SLC35E3: variants seen among roughly 807,000 people sequenced by gnomAD.
SLC35E3 encodes bladder cancer-overexpressed gene 1 protein.
A neutral mutation model predicts 30.8 loss-of-function variants in SLC35E3; 28 were observed. The observed-to-expected ratio is 0.91, with a 90% CI of 0.67 to 1.25. The LOEUF (loss-of-function observed/expected upper bound fraction) is 1.25. Among genes scored for constraint, SLC35E3 ranks in the 50% most tolerant of loss-of-function variants. The probability of loss-of-function intolerance (pLI) is 0.00; values close to 1 mark genes in which losing one functional copy is unlikely to be tolerated. For missense variants in SLC35E3, 365 were observed against 375.4 expected (o/e 0.97, Z 0.23); for synonymous variants, 146 against 149.2 (o/e 0.98, Z 0.16).
intron 1 of SLC35E3, among the ~76,000 whole-genome samples, chr12:68,747,380 C>T (rs1878630020): frequency 6.6e-6 from 1 of 152,082 alleles, no homozygotes; most frequent in African/African-American, 2.4e-5. Context: ...AGCGATTCTC[C>T]TGCCTCAGCC....
At chr12:68,757,485 A>G (rs1460099848) in intron 3 of SLC35E3, among the ~76,000 whole-genome samples, 1 of 152,172 alleles carries the variant, frequency 6.6e-6, no homozygotes, top group Non-Finnish European at 1.5e-5. Context: ...AGAACTTTGT[A>G]TGTGTATATA....
intron 3 of SLC35E3, among the ~76,000 whole-genome samples, chr12:68,753,737 G>T (rs903685909): frequency 1.3e-5 from 2 of 149,448 alleles, no homozygotes; most frequent in African/African-American, 4.9e-5. Context: ...CCCCTAATCC[G>T]TGCCCCTTGA....
At chr12:68,758,264 C>T (rs1194244014) in intron 3 of SLC35E3, among the ~76,000 whole-genome samples, 1 of 151,464 alleles carries the variant, frequency 6.6e-6, no homozygotes, top group Non-Finnish European at 1.5e-5. Flanking sequence ...ACTAAAAATA[C>T]AAAAAATTAG....
rs992909503 is a variant in SLC35E3, at chr12:68,778,055, G to A, written c.*13165G>A. The A allele has an allele frequency of 7.2e-5, 11 of 152,096 alleles. No homozygotes were observed. The highest frequency in any genetic ancestry group is 1.5e-5 in the Non-Finnish European group (1 of 68,030). 9.4% of individuals were successfully genotyped at this position (152,096 alleles called of 1,614,324 possible). On this transcript the variant is annotated 3_prime_UTR_variant, in exon 5 of 5. Coordinates refer to ENST00000398004, the MANE Select transcript of SLC35E3 (RefSeq NM_018656.5). The stretch of plus-strand genomic sequence containing the variant: ...ATCACCCAAGCCCAGGGAGGTCGAG[G>A]CTGCAATGAGCCACCGTGATGGTGA...
chr12:68,746,700 C>T lies in SLC35E3; in HGVS notation c.323C>T (p.Ala108Val). The change falls in exon 1 of 5, where the codon GCC (alanine) becomes GTC (valine). Residue 108 changes from alanine (A) to valine (V), a missense_variant. Ala to Val is a moderately conservative substitution (Grantham distance 64). Coordinates refer to ENST00000398004, the MANE Select transcript of SLC35E3 (RefSeq NM_018656.5). ...NTIGTYQLAK[A>V]MTTPVIIAIQ... is the part of the protein sequence containing the mutation. Reference sequence around the variant, plus strand: ...ATAGGCACCTATCAGCTGGCCAAGGCCATGACCACGCCGGTGATCATAGCC... The same window carrying T: ...ATAGGCACCTATCAGCTGGCCAAGGTCATGACCACGCCGGTGATCATAGCC... 1 of 1,614,084 alleles carries T rather than the reference C, an allele frequency of 6.2e-7. No individual in the cohort carries two copies. The highest frequency in any genetic ancestry group is 2.2e-5 in the East Asian group (1 of 44,890).
chr12:68,754,957 G>C (rs1318312913), intron 3 of SLC35E3, among the ~76,000 whole-genome samples: 1 of 152,052 alleles, frequency 6.6e-6, no homozygotes, highest in Non-Finnish European at 1.5e-5. Context: ...CAATGGACTG[G>C]GTGGCTTAAA....
chr12:68,754,004 G>A (rs954843385), intron 3 of SLC35E3, among the ~76,000 whole-genome samples: 20 of 151,920 alleles, frequency 1.3e-4, no homozygotes, highest in Admixed American at 8.5e-4. Context: ...ACACCACCAC[G>A]CCCAGCTAAT....
chr12:68,750,570 G>T (rs75066377), intron 2 of SLC35E3, among the ~76,000 whole-genome samples: 4,294 of 152,332 alleles, frequency 0.028, 95 homozygotes, highest in Middle Eastern at 0.095. Flanking sequence ...CATTAGAGGG[G>T]TGGTGGCAGG....
chr12:68,746,994 A>G (rs1462784826), intron 1 of SLC35E3, among the ~76,000 whole-genome samples: 1 of 152,086 alleles, frequency 6.6e-6, no homozygotes, highest in Admixed American at 6.5e-5. Context: ...AGTAGCTGCC[A>G]TTTGATGGAA....
chr12:68,768,763 A>G lies in SLC35E3; in HGVS notation c.*3873A>G, dbSNP rs1412175513. 6.6e-6 allele frequency: 1 copy of G among 152,260 alleles called. No individual in the cohort carries two copies. Among genetic ancestry groups the G allele is most frequent in the Non-Finnish European group, 1.5e-5 (1 of 68,056 alleles). 9.4% of individuals were successfully genotyped at this position (152,260 alleles called of 1,614,324 possible). On this transcript the variant is annotated 3_prime_UTR_variant, in exon 5 of 5. Transcript: ENST00000398004. ...GTAACGCTGACGTGTTCAGCTGTTC[A>G]TATTTGGCCTGTCCAAATAAGCAGA...
intron 2 of SLC35E3, among the ~76,000 whole-genome samples, chr12:68,749,327 C>G (rs1565711271): frequency 1.3e-5 from 2 of 152,158 alleles, no homozygotes; most frequent in Non-Finnish European, 2.9e-5. Context: ...AAACATTCCT[C>G]TTAAAGAAAG....
chr12:68,760,265 C>T (rs557209152), intron 4 of SLC35E3: 1 of 152,340 alleles, frequency 6.6e-6, no homozygotes, highest in African/African-American at 2.4e-5. Flanking sequence ...TCCTGTTTCT[C>T]TTCACATTTC....
Position 68,764,748 on chromosome 12 carries a change from G to A in SLC35E3, c.800G>A (p.Gly267Glu). The A allele has an allele frequency of 6.2e-7, 1 of 1,614,040 alleles. No homozygotes were observed. The highest frequency in any genetic ancestry group is 1.1e-5 in the South Asian group (1 of 91,078). Residue 267 changes from glycine to glutamate, a missense_variant, in exon 5 of 5, where the codon GGA (glycine) becomes GAA (glutamate). Gly to Glu is a moderately conservative substitution (Grantham distance 98). Transcript: ENST00000398004. Reference sequence around the variant, plus strand: ...TTCAAGTTCTGCATTACTTTATTCGGAGGATATGTTTTATTTAAGGATCCA... The same window carrying A: ...TTCAAGTTCTGCATTACTTTATTCGAAGGATATGTTTTATTTAAGGATCCA... ...GHFKFCITLFGGYVLFKDPLS... is the reference protein window; with the variant it reads ...GHFKFCITLFEGYVLFKDPLS...
In SLC35E3 at chr12:68,779,815, G is replaced by GT. The variant is rs1315614036; in HGVS notation, c.*14926dup. ...TAGCCGGGCATGGTGGTAGACACCT[G>GT]TAGTCCCAGCTACTTGGGAAGATGA... is the stretch of plus-strand genomic sequence containing the variant. On this transcript the variant is annotated 3_prime_UTR_variant, in exon 5 of 5. Coordinates refer to ENST00000398004, the MANE Select transcript of SLC35E3 (RefSeq NM_018656.5). 2 of 152,102 alleles carry GT rather than the reference G, an allele frequency of 1.3e-5. No individual in the cohort carries two copies. Among genetic ancestry groups the GT allele is most frequent in the Non-Finnish European group, 2.9e-5 (2 of 68,054 alleles). The allele number at this position is 152,102 out of a possible 1,614,324, so 9.4% of individuals were successfully genotyped here.
chr12:68,780,481 C>CT lies in SLC35E3; in HGVS notation c.*15613dup, dbSNP rs34635694. The CT allele has an allele frequency of 0.074, 8,102 of 109,556 alleles. 426 individuals carry two copies. Among genetic ancestry groups the CT allele is most frequent in the African/African-American group, 0.083 (2,372 of 28,638 alleles). 6.8% of individuals were successfully genotyped at this position (109,556 alleles called of 1,614,324 possible). A position where few individuals can be genotyped will look rare whatever the true frequency, so the allele number is the denominator to read the frequency against. On this transcript the variant is annotated 3_prime_UTR_variant, in exon 5 of 5. Transcript: ENST00000398004. ...AGCCGTCCTGCCTGGCCTAGTCACA[C>CT]TTTTTTTTTTTTTTTTTTTTTTGGA... is the stretch of plus-strand genomic sequence containing the variant.
chr12:68,777,724 A>G lies in SLC35E3; in HGVS notation c.*12834A>G, dbSNP rs904449808. On this transcript the variant is annotated 3_prime_UTR_variant, in exon 5 of 5. Transcript: ENST00000398004. Reference sequence around the variant, plus strand: ...AATGGAGTTCACCCAAAGAATGACCATCACAGAATTTATGAACTACTCCTA... The same window carrying G: ...AATGGAGTTCACCCAAAGAATGACCGTCACAGAATTTATGAACTACTCCTA... 9.8e-5 allele frequency: 15 copies of G among 152,360 alleles called. No individual in the cohort carries two copies. Among genetic ancestry groups the G allele is most frequent in the Admixed American group, 5.2e-4 (8 of 15,306 alleles). The allele number at this position is 152,360 out of a possible 1,614,324, so 9.4% of individuals were successfully genotyped here. A position where few individuals can be genotyped will look rare whatever the true frequency, so the allele number is the denominator to read the frequency against.
In SLC35E3 at chr12:68,778,290, A is replaced by G. The variant is rs1879796106; in HGVS notation, c.*13400A>G. 1 of 152,164 alleles carries G rather than the reference A, an allele frequency of 6.6e-6. No individual in the cohort carries two copies. The highest frequency in any genetic ancestry group is 2.1e-4 in the South Asian group (1 of 4,818). 9.4% of individuals were successfully genotyped at this position (152,164 alleles called of 1,614,324 possible). ...GAAAACAGCATGAAAATTAAAAGGA[A>G]AATTGAGATTTTAAATACTTCTAAT... On this transcript the variant is annotated 3_prime_UTR_variant, in exon 5 of 5. Coordinates refer to ENST00000398004, the MANE Select transcript of SLC35E3 (RefSeq NM_018656.5).
chr12:68,767,927 T>C lies in SLC35E3; in HGVS notation c.*3037T>C, dbSNP rs530263539. 6.6e-6 allele frequency: 1 copy of C among 152,314 alleles called. No individual in the cohort carries two copies. Among genetic ancestry groups the C allele is most frequent in the Non-Finnish European group, 1.5e-5 (1 of 68,030 alleles). The allele number at this position is 152,314 out of a possible 1,614,324, so 9.4% of individuals were successfully genotyped here. On this transcript the variant is annotated 3_prime_UTR_variant, in exon 5 of 5. Coordinates refer to ENST00000398004, the MANE Select transcript of SLC35E3 (RefSeq NM_018656.5). The stretch of plus-strand genomic sequence containing the variant: ...ATTATTTCCCAAAAGCTGAGGAAAA[T>C]GTTTCAGCACAGTGAGGATTTGACG...
intron 3 of SLC35E3, among the ~76,000 whole-genome samples, chr12:68,757,519 T>C (rs1294085173): frequency 6.6e-6 from 1 of 152,220 alleles, no homozygotes; most frequent in African/African-American, 2.4e-5. Context: ...TTTGTCCCCC[T>C]GTGCCCAGCC....
Sources: gnomAD v4.1 joint callset for allele counts (sites outside exome capture counted in the v4.1 genomes callset) on GRCh38, gnomAD v4.1.1 for gene constraint, MANE v1.5 for transcripts, NCBI Gene and HGNC (gene_info 2026-07-23, HGNC 2026-07-21) for gene names.